Variants in PLA2G12A observed in about 807,000 individuals in gnomAD.
PLA2G12A encodes group XIIA secretory phospholipase A2.
PLA2G12A carries 11 observed loss-of-function variants against 16.0 expected under a neutral mutation model. That is an observed-to-expected ratio of 0.69 (90% CI 0.43 to 1.13). The LOEUF is 1.13. PLA2G12A is among the 50% of genes most tolerant of loss of function. The pLI is 0.00. For missense variants in PLA2G12A, 214 were observed against 237.3 expected (o/e 0.90, Z 0.65); for synonymous variants, 77 against 93.8 (o/e 0.82, Z 1.03).
intron 1 of PLA2G12A, among the ~76,000 whole-genome samples, chr4:109,719,216 T>A (rs1303883795): frequency 6.6e-6 from 1 of 152,114 alleles, no homozygotes; most frequent in Non-Finnish European, 1.5e-5. Context: ...CAAACCTCAA[T>A]AACCATTAAC....
intron 1 of PLA2G12A, among the ~76,000 whole-genome samples, chr4:109,727,818 T>A (rs911477348): frequency 6.6e-6 from 1 of 152,092 alleles, no homozygotes; most frequent in East Asian, 1.9e-4. Context: ...TAACAAAAAA[T>A]AAAATAAAAA....
intron 1 of PLA2G12A, among the ~76,000 whole-genome samples, chr4:109,720,387 G>A (rs1217868589): frequency 6.6e-6 from 1 of 151,092 alleles, no homozygotes; most frequent in Non-Finnish European, 1.5e-5. Flanking sequence ...ATAAATTGAG[G>A]GTAAAAAAGC....
chr4:109,714,997 T>G (rs2126166264), intron 3 of PLA2G12A, among the ~76,000 whole-genome samples: 1 of 152,254 alleles, frequency 6.6e-6, no homozygotes, highest in East Asian at 1.9e-4. Flanking sequence ...TTTTAGTAGA[T>G]ATGAGGTCTC....
In PLA2G12A at chr4:109,729,981, C is replaced by A; in HGVS notation, c.-172G>T. The A allele has an allele frequency of 1.7e-6, 1 of 580,802 alleles. No individual in the cohort carries two copies. Among genetic ancestry groups the A allele is most frequent in the South Asian group, 2.4e-5 (1 of 42,008 alleles). 36.0% of individuals were successfully genotyped at this position (580,802 alleles called of 1,614,324 possible). A position where few individuals can be genotyped will look rare whatever the true frequency, so the allele number is the denominator to read the frequency against. On this transcript the variant is annotated 5_prime_UTR_variant, in exon 1 of 4. Transcript: ENST00000243501. ...AGGATCTCGCTGTCTTTACGTGAAC[C>A]GCCTCGGGCAGGCAGCGCCGTCGCG...
chr4:109,727,644 A>G (rs1011436141), intron 1 of PLA2G12A, among the ~76,000 whole-genome samples: 2 of 152,054 alleles, frequency 1.3e-5, no homozygotes, highest in African/African-American at 4.8e-5. Flanking sequence ...GATTAAAAAG[A>G]AAGATTAAGC....
Position 109,718,708 on chromosome 4 carries a change from C to T in PLA2G12A, c.260G>A (p.Cys87Tyr). The T allele has an allele frequency of 1.9e-6, 3 of 1,603,370 alleles. 1 individual carries two copies. The highest frequency in any genetic ancestry group is 1.1e-5 in the South Asian group (1 of 89,598). ...YGYKPSPPNG[C>Y]GSPLFGVHLN... Reference sequence around the variant, plus strand: ...ATGAACACCAAACAGTGGAGAGCCACATCCATTCGGTGGGGAGGGTTTATA... The same window carrying T: ...ATGAACACCAAACAGTGGAGAGCCATATCCATTCGGTGGGGAGGGTTTATA... Residue 87 changes from cysteine (C) to tyrosine (Y), a missense_variant, in exon 2 of 4, where the codon TGT (cysteine) becomes TAT (tyrosine). Coordinates refer to ENST00000243501, the MANE Select transcript of PLA2G12A (RefSeq NM_030821.5).
At chr4:109,720,129 C>T (rs1730896691) in intron 1 of PLA2G12A, among the ~76,000 whole-genome samples, 1 of 152,190 alleles carries the variant, frequency 6.6e-6, no homozygotes, top group Non-Finnish European at 1.5e-5. Context: ...TATAAACAAT[C>T]CTCTGCCCCT....
intron 1 of PLA2G12A, among the ~76,000 whole-genome samples, chr4:109,728,518 T>C (rs1378009564): frequency 2.0e-5 from 3 of 152,214 alleles, no homozygotes; most frequent in Admixed American, 2.0e-4. Context: ...GTGGTAACGT[T>C]TAGGCACAAA....
At position 109,729,879 on chromosome 4, in the gene PLA2G12A, C is replaced by G; in HGVS notation, c.-70G>C. 1 of 1,371,438 alleles carries G rather than the reference C, an allele frequency of 7.3e-7. No homozygotes were observed. The highest frequency in any genetic ancestry group is 2.9e-5 in the Admixed American group (1 of 34,240). 85.0% of individuals were successfully genotyped at this position (1,371,438 alleles called of 1,614,324 possible). On this transcript the variant is annotated 5_prime_UTR_variant, in exon 1 of 4. Transcript: ENST00000243501. ...GCGCGTCCCCACAGAGTCCCCAGGA[C>G]GCGCTAGGCAGCGGCGCGGGCCCCG...
At position 109,713,652 on chromosome 4, in the gene PLA2G12A, G is replaced by A. The variant is rs1401263369; in HGVS notation, c.*725C>T. The A allele has an allele frequency of 2.0e-5, 3 of 152,174 alleles. No individual in the cohort carries two copies. The highest frequency in any genetic ancestry group is 4.4e-5 in the Non-Finnish European group (3 of 68,032). The allele number at this position is 152,174 out of a possible 1,614,324, so 9.4% of individuals were successfully genotyped here. ...TGTCATGTGAGTAGCTCATAAAATG[G>A]GAGTGGCTATGCTTCTGAATCGCAT... On this transcript the variant is annotated 3_prime_UTR_variant, in exon 4 of 4. Coordinates refer to ENST00000243501, the MANE Select transcript of PLA2G12A (RefSeq NM_030821.5).
In PLA2G12A at chr4:109,711,053, C is replaced by CTTTTTTTTTTTTT. The variant is rs67674001; in HGVS notation, c.*3311_*3323dup. 6.8e-3 allele frequency: 387 copies of CTTTTTTTTTTTTT among 57,180 alleles called. No homozygotes were observed. Among genetic ancestry groups the CTTTTTTTTTTTTT allele is most frequent in the Middle Eastern group, 0.018 (1 of 56 alleles). The allele number at this position is 57,180 out of a possible 1,614,324, so 3.5% of individuals were successfully genotyped here. On this transcript the variant is annotated 3_prime_UTR_variant, in exon 4 of 4. Transcript: ENST00000243501. ...AGAGCTGCTGACAGTTAGTTCTTGC[C>CTTTTTTTTTTTTT]TTTTTTTTTTTTTTTTTTTTTTTGC...
At chr4:109,727,319 C>T (rs1264663000) in intron 1 of PLA2G12A, among the ~76,000 whole-genome samples, 2 of 151,924 alleles carry the variant, frequency 1.3e-5, no homozygotes, top group Admixed American at 6.6e-5. Context: ...CCATGTTGGC[C>T]AGGCTGGTCT....
In PLA2G12A at chr4:109,712,404, G is replaced by A. The variant is rs1730750343; in HGVS notation, c.*1973C>T. ...ACGAATTATATTTTATAACGATATTGAGTTTGTCCTTTTGAGAAAGCCAAT... is the reference window on the plus strand; with the variant it reads ...ACGAATTATATTTTATAACGATATTAAGTTTGTCCTTTTGAGAAAGCCAAT... On this transcript the variant is annotated 3_prime_UTR_variant, in exon 4 of 4. Coordinates refer to ENST00000243501, the MANE Select transcript of PLA2G12A (RefSeq NM_030821.5). 6.6e-6 allele frequency: 1 copy of A among 151,926 alleles called. No homozygotes were observed. Among genetic ancestry groups the A allele is most frequent in the African/African-American group, 2.4e-5 (1 of 41,350 alleles). The allele number at this position is 151,926 out of a possible 1,614,324, so 9.4% of individuals were successfully genotyped here.
intron 1 of PLA2G12A, among the ~76,000 whole-genome samples, chr4:109,727,893 A>G (rs1457434986): frequency 6.6e-6 from 1 of 152,280 alleles, no homozygotes; most frequent in African/African-American, 2.4e-5. Context: ...AAATGTAAAT[A>G]AACTCTAGAA....
At position 109,711,802 on chromosome 4, in the gene PLA2G12A, A is replaced by C. The variant is rs1730734843; in HGVS notation, c.*2575T>G. ...CAGTAATTTTCAGCAGCAAAAAACC[A>C]ACACACACTACCTTAACCAAGTGTC... On this transcript the variant is annotated 3_prime_UTR_variant, in exon 4 of 4. Coordinates refer to ENST00000243501, the MANE Select transcript of PLA2G12A (RefSeq NM_030821.5). The C allele has an allele frequency of 6.6e-6, 1 of 152,206 alleles. No homozygotes were observed. The highest frequency in any genetic ancestry group is 2.1e-4 in the South Asian group (1 of 4,826). 9.4% of individuals were successfully genotyped at this position (152,206 alleles called of 1,614,324 possible).
At chr4:109,721,211 G>A (rs965449288) in intron 1 of PLA2G12A, among the ~76,000 whole-genome samples, 1 of 152,182 alleles carries the variant, frequency 6.6e-6, no homozygotes, top group Non-Finnish European at 1.5e-5. Flanking sequence ...CTGTCCATAA[G>A]GAAGGGTTGT....
intron 1 of PLA2G12A, among the ~76,000 whole-genome samples, chr4:109,723,170 C>G (rs967968181): frequency 6.6e-6 from 1 of 150,970 alleles, no homozygotes; most frequent in Admixed American, 6.6e-5. Flanking sequence ...CAGCCTAACA[C>G]AGTATGTTTC....
intron 1 of PLA2G12A, among the ~76,000 whole-genome samples, chr4:109,726,618 C>T (rs924455053): frequency 5.3e-5 from 8 of 152,144 alleles, no homozygotes; most frequent in Non-Finnish European, 7.4e-5. Context: ...AGAAAACATA[C>T]GTCACTGAAT....
rs1349571284 is a variant in PLA2G12A at position 109,710,446 on chromosome 4, G to A, written c.*3931C>T. ...ATAATCACTCTTTTAAATTTAGAGA[G>A]AGTTGGTTTTAGGCTAACAATTTTT... On this transcript the variant is annotated 3_prime_UTR_variant, in exon 4 of 4. Coordinates refer to ENST00000243501, the MANE Select transcript of PLA2G12A (RefSeq NM_030821.5). The A allele has an allele frequency of 6.6e-6, 1 of 152,184 alleles. No homozygotes were observed. Among genetic ancestry groups the A allele is most frequent in the Non-Finnish European group, 1.5e-5 (1 of 68,032 alleles). 9.4% of individuals were successfully genotyped at this position (152,184 alleles called of 1,614,324 possible).
Sources: allele counts gnomAD v4.1 joint callset (sites outside exome capture counted in the v4.1 genomes callset), GRCh38; gene constraint gnomAD v4.1.1; transcripts MANE v1.5; gene names NCBI Gene and HGNC (gene_info 2026-07-23, HGNC 2026-07-21).